CSAD: variants seen among roughly 807,000 people sequenced by gnomAD.
CSAD encodes cysteine sulfinic acid decarboxylase.
Under a neutral mutation model 61.5 loss-of-function variants are expected in CSAD, and 47 were observed. That is an observed-to-expected ratio of 0.76 (90% CI 0.60 to 0.97). The LOEUF (loss-of-function observed/expected upper bound fraction) is 0.97. CSAD is among the 50% of genes least tolerant of loss of function. CSAD has a pLI of 0.00. For missense variants in CSAD, 611 were observed against 643.6 expected (o/e 0.95, Z 0.55); for synonymous variants, 245 against 252.7 (o/e 0.97, Z 0.29).
chr12:53,174,250 G>C (rs1382528766), intron 2 of CSAD, among the ~76,000 whole-genome samples: 1 of 150,330 alleles, frequency 6.7e-6, no homozygotes, highest in African/African-American at 2.5e-5. Flanking sequence ...AGAGCTTGCA[G>C]TGAGCAGAGA....
At position 53,160,028 on chromosome 12, in the gene CSAD, C is replaced by G. The variant is rs529901006; in HGVS notation, c.1167-90G>C. ...CACGTAGAATGAGCCACAGAGAGAC[C>G]GAGAGAAAAGTAATCCCGGGAGCAG... is the stretch of plus-strand genomic sequence containing the variant. On this transcript the variant is annotated intron_variant, in intron 14 of 16. Coordinates refer to ENST00000444623, the MANE Select transcript of CSAD (RefSeq NM_001244705.2). 6.9e-6 allele frequency: 11 copies of G among 1,601,214 alleles called. No individual in the cohort carries two copies. In the South Asian group the frequency reaches 1.1e-4, roughly 16 times the overall value.
Position 53,158,474 on chromosome 12 carries a change from G to T in CSAD, c.*37C>A. ...GGGAATGCAGTGACTCTGCGGGTGAGGGGTGGTATCAAGGCCGGCAGCAAG... is the reference window on the plus strand; with the variant it reads ...GGGAATGCAGTGACTCTGCGGGTGATGGGTGGTATCAAGGCCGGCAGCAAG... On this transcript the variant is annotated 3_prime_UTR_variant, in exon 17 of 17. Transcript: ENST00000444623. 6.3e-7 allele frequency: 1 copy of T among 1,597,162 alleles called. No individual in the cohort carries two copies. The highest frequency in any genetic ancestry group is 1.1e-5 in the South Asian group (1 of 90,014).
chr12:53,158,798 C>G (rs1364675391), intron 16 of CSAD, 114 bp from the exon 17 acceptor site: 7 of 944,902 alleles, frequency 7.4e-6, no homozygotes. Flanking sequence ...CAGCCACCTT[C>G]TGGGGGTAGC....
intron 12 of CSAD, 72 bp downstream of exon 12, chr12:53,161,055 C>T (rs1939221148): frequency 7.4e-6 from 11 of 1,494,130 alleles, no homozygotes; most frequent in Admixed American, 1.8e-5. Flanking sequence ...ATGTTAAACT[C>T]CCTAGTCCAT....
Position 53,158,290 on chromosome 12 carries a change from C to T in CSAD, c.*221G>A, listed in dbSNP as rs1333419887. The T allele has an allele frequency of 2.6e-6, 1 of 379,026 alleles. No homozygotes were observed. Among genetic ancestry groups the T allele is most frequent in the Admixed American group, 4.2e-5 (1 of 23,560 alleles). The allele number at this position is 379,026 out of a possible 1,614,324, so 23.5% of individuals were successfully genotyped here. On this transcript the variant is annotated 3_prime_UTR_variant, in exon 17 of 17. Coordinates refer to ENST00000444623, the MANE Select transcript of CSAD (RefSeq NM_001244705.2). ...AGCTGGGTTTACAGGCACAGGCCAC[C>T]ATGCTCGGCTAATTTTTGTATTTTT...
chr12:53,169,713 A>G (rs976554017), intron 10 of CSAD, among the ~76,000 whole-genome samples: 4 of 151,664 alleles, frequency 2.6e-5, no homozygotes, highest in Non-Finnish European at 4.4e-5. Context: ...CATCCCCACT[A>G]CTCACAGCCT....
intron 13 of CSAD, among the ~76,000 whole-genome samples, 185 bp downstream of exon 13, chr12:53,160,578 T>TTC (rs145358336): frequency 0.028 from 4,219 of 152,294 alleles, 182 homozygotes; most frequent in African/African-American, 0.096. Context: ...CTGGAAACTT[T>TTC]TCTTTTAAGA....
At chr12:53,176,741 T>A (rs1941139989) in intron 2 of CSAD, among the ~76,000 whole-genome samples, 1 of 152,056 alleles carries the variant, frequency 6.6e-6, no homozygotes, top group African/African-American at 2.4e-5. Context: ...AATATTTATT[T>A]ATTATTTTAG....
intron 6 of CSAD, 32 bp from the exon 7 acceptor site, chr12:53,172,020 G>C: frequency 6.6e-7 from 1 of 1,517,124 alleles, no homozygotes; most frequent in Non-Finnish European, 9.2e-7. Flanking sequence ...AGAAAGGAGA[G>C]ATGGGGAGGG....
intron 1 of CSAD, chr12:53,180,450 G>A: frequency 8.4e-7 from 1 of 1,184,948 alleles, no homozygotes; most frequent in Non-Finnish European, 1.1e-6. Context: ...ATCATCGAAG[G>A]GCCGAGGGTC....
At position 53,158,704 on chromosome 12, in the gene CSAD, G is replaced by C. The variant is rs545625987; in HGVS notation, c.1309-20C>G. The stretch of plus-strand genomic sequence containing the variant: ...GGCCACCTGTGGAAGGGTGGAGAGA[G>C]ATTCCAGCTGCAGCCTGGGTCGGCT... On this transcript the variant is annotated intron_variant, in intron 16 of 16. Transcript: ENST00000444623. The C allele has an allele frequency of 1.2e-6, 2 of 1,609,046 alleles. No individual in the cohort carries two copies. Among genetic ancestry groups the C allele is most frequent in the African/African-American group, 2.7e-5 (2 of 74,928 alleles).
chr12:53,173,474 G>T lies in CSAD; in HGVS notation c.-4C>A. 1 of 1,614,150 alleles carries T rather than the reference G, an allele frequency of 6.2e-7. No homozygotes were observed. Among genetic ancestry groups the T allele is most frequent in the Non-Finnish European group, 8.5e-7 (1 of 1,180,022 alleles). The stretch of plus-strand genomic sequence containing the variant: ...GGAGTGCTTCTGAGTCAGCCATCAG[G>T]ATCTGTGGCAGAGCAGAGTCATTCC... On this transcript the variant is annotated splice_region_variant and 5_prime_UTR_variant, in exon 4 of 17. Coordinates refer to ENST00000444623, the MANE Select transcript of CSAD (RefSeq NM_001244705.2).
chr12:53,159,760 GT>G, intron 15 of CSAD, 48 bp from the exon 16 acceptor site: 2 of 1,548,042 alleles, frequency 1.3e-6, no homozygotes, highest in Non-Finnish European at 1.8e-6. Flanking sequence ...AAGGGGGACC[GT>G]TTTCCCTCTC....
chr12:53,161,798 A>AT (rs1226883382), intron 10 of CSAD, among the ~76,000 whole-genome samples: 1 of 151,930 alleles, frequency 6.6e-6, no homozygotes, highest in East Asian at 1.9e-4. Context: ...CTCTAAAAAA[A>AT]TTTTTTTGTT....
In CSAD at chr12:53,172,647, A is replaced by G. The variant is rs2121513872; in HGVS notation, c.128T>C (p.Val43Ala). The G allele has an allele frequency of 6.2e-7, 1 of 1,605,372 alleles. No individual in the cohort carries two copies. Among genetic ancestry groups the G allele is most frequent in the East Asian group, 2.2e-5 (1 of 44,632 alleles). ...IQKGTSVSQK[V>A]CEWKEPEELK... The stretch of plus-strand genomic sequence containing the variant: ...CTCCTCAGGCTCCTTCCACTCACAG[A>G]CCTAGGAAGAGAGCCGGGGATGCTG... The change falls in exon 5 of 17, where the codon GTC becomes GCC. Residue 43 changes from valine (V) to alanine (A), a missense_variant and splice_region_variant. Physicochemically the swap from Val to Ala is moderately conservative, Grantham distance 64. Coordinates refer to ENST00000444623, the MANE Select transcript of CSAD (RefSeq NM_001244705.2).
At chr12:53,164,644 A>G (rs1939680072) in intron 10 of CSAD, 1 of 152,388 alleles carries the variant, frequency 6.6e-6, no homozygotes, top group Non-Finnish European at 1.5e-5. Context: ...TACCTGGGTG[A>G]TGGGTTCAAT....
intron 2 of CSAD, among the ~76,000 whole-genome samples, chr12:53,175,271 G>GACTCAGC (rs1941017807): frequency 6.6e-6 from 1 of 152,210 alleles, no homozygotes; most frequent in Non-Finnish European, 1.5e-5. Context: ...TGCAGGAAAA[G>GACTCAGC]ACTCAGCAGG....
At position 53,157,719 on chromosome 12, in the gene CSAD, T is replaced by C. The variant is rs1411543220; in HGVS notation, c.*792A>G. 3 of 152,198 alleles carry C rather than the reference T, an allele frequency of 2.0e-5. No homozygotes were observed. Among genetic ancestry groups the C allele is most frequent in the Non-Finnish European group, 4.4e-5 (3 of 68,032 alleles). The allele number at this position is 152,198 out of a possible 1,614,324, so 9.4% of individuals were successfully genotyped here. A position where few individuals can be genotyped will look rare whatever the true frequency, so the allele number is the denominator to read the frequency against. On this transcript the variant is annotated 3_prime_UTR_variant, in exon 17 of 17. Coordinates refer to ENST00000444623, the MANE Select transcript of CSAD (RefSeq NM_001244705.2). ...TATTACAAAAGCAACACATATTCAT[T>C]ACATAATAAAAGGGAGGGAGCTCAA...
intron 1 of CSAD, chr12:53,180,122 G>T: frequency 4.6e-6 from 6 of 1,304,086 alleles, no homozygotes; most frequent in Non-Finnish European, 5.8e-6. Flanking sequence ...GTGGCCAAGG[G>T]CTACTCAAGG....
Sources: gnomAD v4.1 joint callset for allele counts (sites outside exome capture counted in the v4.1 genomes callset) on GRCh38, gnomAD v4.1.1 for gene constraint, MANE v1.5 for transcripts, NCBI Gene and HGNC (gene_info 2026-07-23, HGNC 2026-07-21) for gene names.